The following LCLAT1 variants were observed in gnomAD, a reference collection of about 807,000 sequenced individuals.
LCLAT1 encodes the protein lysocardiolipin acyltransferase 1.
LCLAT1 carries 11 observed loss-of-function variants against 30.7 expected under a neutral mutation model. The ratio of observed to expected loss-of-function variants is 0.36; its 90% confidence interval spans 0.23 to 0.59. LCLAT1 has a LOEUF of 0.59. Among genes scored for constraint, LCLAT1 ranks in the 20% least tolerant of loss-of-function variants. LCLAT1 has a pLI of 0.77. For synonymous variants in LCLAT1, 155 were observed against 151.3 expected (o/e 1.02, Z -0.18); for missense variants, 402 against 458.6 (o/e 0.88, Z 1.13).
At chr2:30,513,380 G>A (rs1040300244) in intron 1 of LCLAT1, among the ~76,000 whole-genome samples, 3 of 151,838 alleles carry the variant, frequency 2.0e-5, no homozygotes, top group African/African-American at 7.3e-5. Context: ...GGAAAAAATG[G>A]GGAATTTCTA....
At chr2:30,620,478 CTCCATAGGAACCTATTT>C (rs1248877947) in intron 5 of LCLAT1, among the ~76,000 whole-genome samples, 38 of 152,192 alleles carry the variant, frequency 2.5e-4, no homozygotes, top group African/African-American at 9.2e-4. Context: ...AAAATGGCAG[CTCCATAGGAACCTATTT>C]TCCATAGGAA....
chr2:30,488,752 A>G (rs1236958358), intron 1 of LCLAT1, among the ~76,000 whole-genome samples: 1 of 152,230 alleles, frequency 6.6e-6, no homozygotes, highest in Non-Finnish European at 1.5e-5. Flanking sequence ...CTTGGAGTGC[A>G]GAGTTGTGTA....
chr2:30,523,512 T>C (rs987402841), intron 1 of LCLAT1, among the ~76,000 whole-genome samples: 2 of 152,228 alleles, frequency 1.3e-5, no homozygotes, highest in African/African-American at 4.8e-5. Flanking sequence ...AGCTCTTAGT[T>C]GATATTTATT....
intron 5 of LCLAT1, among the ~76,000 whole-genome samples, chr2:30,600,592 T>C (rs1359755998): frequency 6.9e-6 from 1 of 145,374 alleles, no homozygotes; most frequent in Non-Finnish European, 1.5e-5. Context: ...GGAAATTCTT[T>C]TCTTTAAGAA....
At chr2:30,615,811 A>G (rs1299442172) in intron 5 of LCLAT1, among the ~76,000 whole-genome samples, 1 of 152,202 alleles carries the variant, frequency 6.6e-6, no homozygotes, top group Non-Finnish European at 1.5e-5. Flanking sequence ...TACATTATAT[A>G]CTGCAAAAAA....
chr2:30,484,665 T>G (rs1159318191), intron 1 of LCLAT1, among the ~76,000 whole-genome samples: 1 of 152,186 alleles, frequency 6.6e-6, no homozygotes, highest in Non-Finnish European at 1.5e-5. Context: ...TGGCCACACA[T>G]TCTATAAATG....
intron 1 of LCLAT1, among the ~76,000 whole-genome samples, chr2:30,507,727 G>A (rs893135999): frequency 6.6e-6 from 1 of 152,104 alleles, no homozygotes; most frequent in Non-Finnish European, 1.5e-5. Context: ...GGGCATTTAG[G>A]TTGATTCCAT....
intron 1 of LCLAT1, among the ~76,000 whole-genome samples, chr2:30,484,719 G>GT (rs1349399769): frequency 3.3e-5 from 5 of 152,058 alleles, no homozygotes; most frequent in African/African-American, 1.2e-4. Context: ...TATGATCAGT[G>GT]TTTAACTGTA....
intron 4 of LCLAT1, among the ~76,000 whole-genome samples, chr2:30,564,956 C>G (rs1277078464): frequency 1.3e-5 from 2 of 152,126 alleles, no homozygotes; most frequent in Non-Finnish European, 2.9e-5. Context: ...ATGCACAAAA[C>G]TTGCTATAAT....
chr2:30,539,488 G>A (rs1304258229), intron 3 of LCLAT1, among the ~76,000 whole-genome samples: 6 of 151,958 alleles, frequency 3.9e-5, no homozygotes, highest in African/African-American at 1.5e-4. Context: ...ACCACTAAAT[G>A]TTCTCTTTTA....
At chr2:30,602,960 C>G (rs1050643444) in intron 5 of LCLAT1, among the ~76,000 whole-genome samples, 2 of 152,132 alleles carry the variant, frequency 1.3e-5, no homozygotes, top group African/African-American at 4.8e-5. Flanking sequence ...GATTTGAGAA[C>G]TGGAAAGAAT....
At chr2:30,469,726 C>T (rs1437556493) in intron 1 of LCLAT1, among the ~76,000 whole-genome samples, 2 of 151,768 alleles carry the variant, frequency 1.3e-5, no homozygotes, top group Non-Finnish European at 2.9e-5. Context: ...CTACAGGTGC[C>T]CACCACCACA....
chr2:30,528,559 G>T (rs1462460647), intron 2 of LCLAT1, among the ~76,000 whole-genome samples: 1 of 152,174 alleles, frequency 6.6e-6, no homozygotes, highest in African/African-American at 2.4e-5. Flanking sequence ...CAATCACTTT[G>T]TCTGATGGTC....
chr2:30,482,213 G>A (rs549495478), intron 1 of LCLAT1, among the ~76,000 whole-genome samples: 1 of 152,246 alleles, frequency 6.6e-6, no homozygotes, highest in South Asian at 2.1e-4. Context: ...TTATGTACAT[G>A]TTCTTGTTCT....
At chr2:30,564,520 A>G (rs193191159) in intron 4 of LCLAT1, among the ~76,000 whole-genome samples, 53 of 152,288 alleles carry the variant, frequency 3.5e-4, no homozygotes, top group African/African-American at 1.2e-3. Context: ...TCACCATTAC[A>G]TGATGTAGTT....
At chr2:30,640,036 G>T (rs1210278559) in intron 5 of LCLAT1, 81 bp from the exon 6 acceptor site, 6 of 1,161,660 alleles carry the variant, frequency 5.2e-6, no homozygotes, top group Admixed American at 2.2e-5. Flanking sequence ...TCGGTTTCTG[G>T]TGCTGCCCTG....
intron 5 of LCLAT1, among the ~76,000 whole-genome samples, chr2:30,578,095 T>A (rs1481437880): frequency 6.6e-6 from 1 of 152,142 alleles, no homozygotes; most frequent in African/African-American, 2.4e-5. Flanking sequence ...TATCTCTAGG[T>A]TCACAGCCAC....
At chr2:30,472,830 C>G (rs1426532008) in intron 1 of LCLAT1, among the ~76,000 whole-genome samples, 7 of 152,072 alleles carry the variant, frequency 4.6e-5, no homozygotes, top group African/African-American at 1.4e-4. Context: ...TCCCTCCTAC[C>G]TGCCCCCCAC....
At chr2:30,515,048 C>A (rs1340980245) in intron 1 of LCLAT1, among the ~76,000 whole-genome samples, 1 of 152,070 alleles carries the variant, frequency 6.6e-6, no homozygotes, top group Non-Finnish European at 1.5e-5. Flanking sequence ...TCCCCCACTG[C>A]CCCCATTGTA....
Sources: allele counts gnomAD v4.1 joint callset (sites outside exome capture counted in the v4.1 genomes callset), GRCh38; gene constraint gnomAD v4.1.1; transcripts MANE v1.5; gene names NCBI Gene and HGNC (gene_info 2026-07-23, HGNC 2026-07-21).